The following NRXN1 variants were observed in gnomAD, a reference collection of about 807,000 sequenced individuals.
The protein encoded by NRXN1 is neurexin-1.
In NRXN1, 39 loss-of-function variants were observed where a neutral mutation model predicts 150.9. The ratio of observed to expected loss-of-function variants is 0.26; its 90% CI spans 0.20 to 0.34. The LOEUF (loss-of-function observed/expected upper bound fraction) is 0.34, where lower values mean the gene tolerates loss of function less well. Ranked by LOEUF, NRXN1 falls within the 10% of genes least tolerant of loss-of-function variation. The pLI is 1.00. For synonymous variants in NRXN1, 924 were observed against 757.0 expected (o/e 1.22, Z -3.62); for missense variants, 1,815 against 1,949.9 (o/e 0.93, Z 1.30).
intron 18 of NRXN1, among the ~76,000 whole-genome samples, chr2:50,163,687 C>G (rs1407753073): frequency 5.9e-5 from 9 of 152,054 alleles, no homozygotes; most frequent in Admixed American, 5.9e-4. Flanking sequence ...AGAAATTGGT[C>G]CTTATTCTGA....
rs78074319 is a variant in NRXN1 at position 50,306,119 on chromosome 2, G to C, written c.3365-69149C>G. On this transcript the variant is annotated intron_variant, in intron 17 of 22. Transcript: ENST00000401669. ...AAGCCTTTAGACCTCTATCTTACAA[G>C]ATAATTACATTAATCAGTGAAAAAC... Among the ~76,000 whole-genome samples, 1,366 of 152,220 alleles carry C rather than the reference G, an allele frequency of 9.0e-3. 17 individuals carry two copies. The highest frequency in any genetic ancestry group is 0.032 in the African/African-American group (1,312 of 41,524).
intron 2 of NRXN1, among the ~76,000 whole-genome samples, chr2:50,998,448 T>G (rs1254156286): frequency 6.6e-6 from 1 of 152,086 alleles, no homozygotes; most frequent in Non-Finnish European, 1.5e-5. Flanking sequence ...CCAAAATGAT[T>G]TGCATTTGTA....
intron 17 of NRXN1, among the ~76,000 whole-genome samples, chr2:50,327,017 T>A (rs1414417269): frequency 6.6e-6 from 1 of 152,192 alleles, no homozygotes; most frequent in African/African-American, 2.4e-5. Flanking sequence ...TCTAACAAAG[T>A]TAAACAAAAT....
intron 17 of NRXN1, among the ~76,000 whole-genome samples, chr2:50,432,561 G>C (rs1413080816): frequency 6.6e-6 from 1 of 152,158 alleles, no homozygotes; most frequent in East Asian, 1.9e-4. Flanking sequence ...AATAAAGCCA[G>C]TCTGGATTGC....
At chr2:49,954,319 T>A (rs538838897) in intron 21 of NRXN1, among the ~76,000 whole-genome samples, 1 of 145,378 alleles carries the variant, frequency 6.9e-6, no homozygotes, top group African/African-American at 2.6e-5. Context: ...ACAAGGTAGG[T>A]AGCACCAATC....
intron 17 of NRXN1, among the ~76,000 whole-genome samples, chr2:50,367,913 T>C (rs1558609639): frequency 6.6e-6 from 1 of 152,052 alleles, no homozygotes; most frequent in Non-Finnish European, 1.5e-5. Context: ...TTAAGTTTGA[T>C]GTACACATAC....
At chr2:49,967,160 A>T (rs897116646) in intron 21 of NRXN1, among the ~76,000 whole-genome samples, 2 of 152,136 alleles carry the variant, frequency 1.3e-5, no homozygotes, top group African/African-American at 4.8e-5. Context: ...CACCTTAAAA[A>T]TTGATTAAAA....
chr2:49,937,638 G>T (rs1259353987), intron 22 of NRXN1, among the ~76,000 whole-genome samples: 1 of 152,144 alleles, frequency 6.6e-6, no homozygotes, highest in Non-Finnish European at 1.5e-5. Flanking sequence ...ATGATGAGCT[G>T]GGCCCTCAGC....
chr2:50,207,226 C>A (rs1309262373), intron 18 of NRXN1, among the ~76,000 whole-genome samples: 3 of 152,020 alleles, frequency 2.0e-5, no homozygotes, highest in East Asian at 1.9e-4. Flanking sequence ...AATACAAAAT[C>A]TTTCCATGTT....
intron 17 of NRXN1, among the ~76,000 whole-genome samples, chr2:50,398,338 T>C (rs2082175527): frequency 6.6e-6 from 1 of 152,148 alleles, no homozygotes. Context: ...TTAGTTTCTT[T>C]TGAGAAAGTA....
At chr2:51,025,220 T>A (rs1422312184) in intron 2 of NRXN1, among the ~76,000 whole-genome samples, 1 of 152,200 alleles carries the variant, frequency 6.6e-6, no homozygotes, top group Non-Finnish European at 1.5e-5. Flanking sequence ...AGTGACTCAA[T>A]GCTTCAGAAG....
chr2:50,644,540 T>A (rs558413356), intron 5 of NRXN1, among the ~76,000 whole-genome samples: 42 of 151,706 alleles, frequency 2.8e-4, no homozygotes, highest in African/African-American at 9.2e-4. Context: ...AACTAAAGAA[T>A]AATACATCCT....
chr2:49,960,743 CA>C (rs1043217755), intron 21 of NRXN1, among the ~76,000 whole-genome samples: 1 of 152,086 alleles, frequency 6.6e-6, no homozygotes, highest in Non-Finnish European at 1.5e-5. Flanking sequence ...AAAAGACATG[CA>C]AAAAACATCA....
intron 17 of NRXN1, among the ~76,000 whole-genome samples, chr2:50,327,903 C>G (rs552158355): frequency 1.3e-5 from 2 of 152,282 alleles, no homozygotes; most frequent in South Asian, 4.1e-4. Flanking sequence ...CCCGCCTTGG[C>G]CTCCCAAAAT....
chr2:50,766,369 T>G (rs1702383468), intron 5 of NRXN1, among the ~76,000 whole-genome samples: 1 of 151,984 alleles, frequency 6.6e-6, no homozygotes, highest in East Asian at 1.9e-4. Flanking sequence ...CAAAAATGTG[T>G]ATTTCTCACT....
Position 50,993,350 on chromosome 2 carries a change from A to C in NRXN1, c.772+34152T>G, listed in dbSNP as rs181513500. Among the ~76,000 whole-genome samples the C allele has an allele frequency of 3.8e-4, 58 of 152,010 alleles. 1 individual carries two copies. The highest frequency in any genetic ancestry group is 3.4e-3 in the Admixed American group (52 of 15,242). ...TAGTCTCAGTGTGCCATACTGCCCC[A>C]AAGATTTTTCGTGAACTGAAAATTA... is the stretch of plus-strand genomic sequence containing the variant. On this transcript the variant is annotated intron_variant, in intron 2 of 22. Transcript: ENST00000401669.
chr2:50,019,725 T>C (rs1281870722), intron 21 of NRXN1, among the ~76,000 whole-genome samples: 1 of 144,684 alleles, frequency 6.9e-6, no homozygotes, highest in Non-Finnish European at 1.5e-5. Flanking sequence ...GGCGGGCGGA[T>C]CACGACGTCA....
At chr2:50,296,441 A>G (rs1392146200) in intron 17 of NRXN1, among the ~76,000 whole-genome samples, 1 of 152,092 alleles carries the variant, frequency 6.6e-6, no homozygotes, top group Non-Finnish European at 1.5e-5. Flanking sequence ...TTGGGCTTCT[A>G]GCGTGCCCAT....
intron 19 of NRXN1, among the ~76,000 whole-genome samples, chr2:50,068,001 C>A (rs893183324): frequency 1.3e-5 from 2 of 151,940 alleles, no homozygotes; most frequent in African/African-American, 4.8e-5. Context: ...AATTGGTCCA[C>A]GGAAAAAAAG....
Sources: allele counts gnomAD v4.1 joint callset (sites outside exome capture counted in the v4.1 genomes callset), GRCh38; gene constraint gnomAD v4.1.1; transcripts MANE v1.5; gene names NCBI Gene and HGNC (gene_info 2026-07-23, HGNC 2026-07-21).